Variants in MAGI2 observed in about 807,000 individuals in gnomAD.
MAGI2 encodes membrane associated guanylate kinase, WW and PDZ domain containing 2.
A neutral mutation model predicts 133.3 loss-of-function variants in MAGI2; 35 were observed. That is an observed-to-expected ratio of 0.26 (90% CI 0.20 to 0.35). The LOEUF is 0.35. Ranked by LOEUF, MAGI2 falls within the 10% of genes least tolerant of loss-of-function variation. The pLI is 1.00. For missense variants in MAGI2, 1,636 were observed against 1,863.4 expected (o/e 0.88, Z 2.25); for synonymous variants, 729 against 710.6 (o/e 1.03, Z -0.41).
intron 21 of MAGI2, among the ~76,000 whole-genome samples, chr7:78,045,287 A>C (rs1584931978): frequency 6.6e-6 from 1 of 152,158 alleles, no homozygotes; most frequent in African/African-American, 2.4e-5. Flanking sequence ...CCATTTAATG[A>C]TCTTTGGTTG....
At chr7:79,446,299 C>T (rs761550416) in intron 1 of MAGI2, among the ~76,000 whole-genome samples, 2 of 151,870 alleles carry the variant, frequency 1.3e-5, no homozygotes, top group African/African-American at 2.4e-5. Flanking sequence ...ACGTGTACCC[C>T]GAAATTTAAA....
chr7:78,409,996 T>C (rs1354782535), intron 6 of MAGI2, among the ~76,000 whole-genome samples: 1 of 151,960 alleles, frequency 6.6e-6, no homozygotes, highest in Non-Finnish European at 1.5e-5. Context: ...TGTGCTGGGA[T>C]CCTGAAAGGA....
At chr7:79,271,391 T>G (rs1234462499) in intron 1 of MAGI2, among the ~76,000 whole-genome samples, 1 of 152,118 alleles carries the variant, frequency 6.6e-6, no homozygotes, top group Admixed American at 6.6e-5. Flanking sequence ...CATCATTTGG[T>G]GGGTAATGGA....
chr7:79,196,410 T>G (rs1183184740), intron 1 of MAGI2, among the ~76,000 whole-genome samples: 2 of 152,028 alleles, frequency 1.3e-5, no homozygotes, highest in Middle Eastern at 3.2e-3. Flanking sequence ...GTTTTTAACT[T>G]TAGTATTCAC....
chr7:78,253,778 ACT>A (rs1792677389), intron 10 of MAGI2: 2 of 152,008 alleles, frequency 1.3e-5, no homozygotes, highest in South Asian at 4.2e-4. Context: ...TAAATTAAAA[ACT>A]CTAGTAAATA....
chr7:78,151,142 C>A (rs376603916), intron 16 of MAGI2, among the ~76,000 whole-genome samples: 75 of 149,870 alleles, frequency 5.0e-4, no homozygotes, highest in African/African-American at 1.7e-3. Flanking sequence ...ACCAGGCGGC[C>A]AGGTTGTAAT....
At chr7:78,670,633 AAC>A (rs1383532974) in intron 2 of MAGI2, among the ~76,000 whole-genome samples, 1 of 152,178 alleles carries the variant, frequency 6.6e-6, no homozygotes, top group East Asian at 1.9e-4. Context: ...AAGCCAAAAG[AAC>A]AAAGCCGGAG....
At chr7:79,011,904 C>T (rs1204729738) in intron 1 of MAGI2, among the ~76,000 whole-genome samples, 1 of 136,954 alleles carries the variant, frequency 7.3e-6, no homozygotes, top group Non-Finnish European at 1.5e-5. Context: ...TTCCTTCCTT[C>T]CTTCCTTCCT....
intron 2 of MAGI2, among the ~76,000 whole-genome samples, chr7:78,728,762 T>A (rs1821082085): frequency 7.4e-6 from 1 of 135,224 alleles, no homozygotes; most frequent in Non-Finnish European, 1.6e-5. Flanking sequence ...AGACGGGGTT[T>A]CACCGTTTTA....
chr7:79,440,478 G>A (rs1406890607), intron 1 of MAGI2, among the ~76,000 whole-genome samples: 1 of 151,980 alleles, frequency 6.6e-6, no homozygotes, highest in African/African-American at 2.4e-5. Flanking sequence ...CCCTACCAGA[G>A]CAAAATTCAG....
chr7:78,455,941 G>A (rs2151494687), intron 6 of MAGI2, among the ~76,000 whole-genome samples: 2 of 151,516 alleles, frequency 1.3e-5, no homozygotes, highest in African/African-American at 4.9e-5. Flanking sequence ...TTCAGAACCT[G>A]GGTCTGGGCA....
chr7:79,099,577 G>T (rs1817792768), intron 1 of MAGI2, among the ~76,000 whole-genome samples: 1 of 152,064 alleles, frequency 6.6e-6, no homozygotes, highest in Non-Finnish European at 1.5e-5. Flanking sequence ...TCACCACTCA[G>T]GTAATAAACA....
intron 21 of MAGI2, among the ~76,000 whole-genome samples, chr7:78,076,852 C>CAAAAAAA (rs1242148618): frequency 2.1e-4 from 9 of 42,550 alleles, no homozygotes; most frequent in African/African-American, 6.6e-4. Context: ...GACTCCGTCT[C>CAAAAAAA]AAAAAAAAAA....
At chr7:79,067,343 G>A (rs1304192077) in intron 1 of MAGI2, among the ~76,000 whole-genome samples, 1 of 152,074 alleles carries the variant, frequency 6.6e-6, no homozygotes, top group Non-Finnish European at 1.5e-5. Context: ...TGTATTCGTA[G>A]GTATTTTATT....
chr7:79,311,129 TGC>T (rs1838256016), intron 1 of MAGI2, among the ~76,000 whole-genome samples: 1 of 152,106 alleles, frequency 6.6e-6, no homozygotes, highest in East Asian at 1.9e-4. Context: ...CCATCAAAAC[TGC>T]TCATAAAAGA....
At chr7:78,947,788 T>A (rs759030657) in intron 2 of MAGI2, among the ~76,000 whole-genome samples, 24 of 152,128 alleles carry the variant, frequency 1.6e-4, no homozygotes, top group Non-Finnish European at 2.4e-4. Context: ...ACATTATTTT[T>A]AAAATCAAAA....
At chr7:78,761,911 T>C (rs1287808066) in intron 2 of MAGI2, among the ~76,000 whole-genome samples, 3 of 152,014 alleles carry the variant, frequency 2.0e-5, no homozygotes, top group South Asian at 4.2e-4. Flanking sequence ...ATTGCAATAG[T>C]GGCTGGAGTG....
chr7:78,764,364 A>T (rs1382325936), intron 2 of MAGI2, among the ~76,000 whole-genome samples: 1 of 152,182 alleles, frequency 6.6e-6, no homozygotes, highest in Non-Finnish European at 1.5e-5. Context: ...AGTGAATTCC[A>T]GTGTCCAGGA....
intron 21 of MAGI2, among the ~76,000 whole-genome samples, chr7:78,048,330 C>G (rs1317909762): frequency 6.6e-6 from 1 of 152,118 alleles, no homozygotes; most frequent in African/African-American, 2.4e-5. Context: ...CAGTGACTCC[C>G]CTAGTACTGA....
Sources: gnomAD v4.1 joint callset for allele counts (sites outside exome capture counted in the v4.1 genomes callset) on GRCh38, gnomAD v4.1.1 for gene constraint, MANE v1.5 for transcripts, NCBI Gene and HGNC (gene_info 2026-07-23, HGNC 2026-07-21) for gene names.